The following TDRD15 variants were observed in gnomAD, a reference collection of about 807,000 sequenced individuals.
TDRD15 encodes the protein tudor domain containing 15.
For missense variants in TDRD15, 1,416 were observed against 904.7 expected (o/e 1.57, Z -7.25); for synonymous variants, 503 against 314.5 (o/e 1.60, Z -6.34).
intron 2 of TDRD15, among the ~76,000 whole-genome samples, chr2:21,129,019 C>A (rs530952015): frequency 6.6e-6 from 1 of 152,154 alleles, no homozygotes; most frequent in Non-Finnish European, 1.5e-5. Context: ...TCACTGCAAT[C>A]TCTGTTCCCC....
rs1175006527 is a variant in TDRD15 at position 21,139,995 on chromosome 2, T to C, written c.2528T>C (p.Ile843Thr). 2.7e-5 allele frequency: 19 copies of C among 715,734 alleles called. No individual in the cohort carries two copies. The highest frequency in any genetic ancestry group is 5.4e-5 in the East Asian group (2 of 37,274). 44.3% of individuals were successfully genotyped at this position (715,734 alleles called of 1,614,324 possible). A position where few individuals can be genotyped will look rare whatever the true frequency, so the allele number is the denominator to read the frequency against. The change falls in exon 4 of 4, where the codon ATT becomes ACT. Residue 843 changes from isoleucine to threonine, a missense_variant. Coordinates refer to ENST00000405799, the MANE Select transcript of TDRD15 (RefSeq NM_001306137.2). Reference sequence around the variant, plus strand: ...TATGGTTACCAAAAAAGGGTTTTAATTGAAGATCTTTGTGCAATTAACCCA... The same window carrying C: ...TATGGTTACCAAAAAAGGGTTTTAACTGAAGATCTTTGTGCAATTAACCCA... ...VDYGYQKRVL[I>T]EDLCAINPRF...
chr2:21,145,028 G>T (rs1321007715), downstream of TDRD15, among the ~76,000 whole-genome samples: 1 of 151,852 alleles, frequency 6.6e-6, no homozygotes, highest in East Asian at 1.9e-4. Context: ...CTTCCAAATG[G>T]ACCAGTGAGA....
rs191515050 is a variant in TDRD15 at position 21,140,529 on chromosome 2, A to G, written c.3062A>G (p.Lys1021Arg). 3.7e-4 allele frequency: 258 copies of G among 697,604 alleles called. 1 individual carries two copies. The East Asian group carries it at 5.8e-3, about 16-fold the overall frequency. 43.2% of individuals were successfully genotyped at this position (697,604 alleles called of 1,614,324 possible). ...AATAAAATGAGAGTGTGCATATCTAAGTATGTAGAGGATGGTCTCTCATAC... is the reference window on the plus strand; with the variant it reads ...AATAAAATGAGAGTGTGCATATCTAGGTATGTAGAGGATGGTCTCTCATAC... The part of the protein sequence containing the change: ...DSNKMRVCIS[K>R]YVEDGLSYRA... The change falls in exon 4 of 4, where the codon AAG (lysine) becomes AGG (arginine). Residue 1021 changes from lysine to arginine, a missense_variant. By Grantham distance (26) the Lys-to-Arg change is conservative. Transcript: ENST00000405799.
At chr2:21,145,650 C>T (rs915323302), downstream of TDRD15, among the ~76,000 whole-genome samples, 4 of 151,940 alleles carry the variant, frequency 2.6e-5, no homozygotes, top group African/African-American at 7.2e-5. Flanking sequence ...TATGGTTTCA[C>T]GGATTAGTAA....
chr2:21,142,193 G>T lies in TDRD15; in HGVS notation c.4726G>T (p.Glu1576Ter). The T allele has an allele frequency of 1.5e-6, 1 of 684,086 alleles. No individual in the cohort carries two copies. The highest frequency in any genetic ancestry group is 1.7e-5 in the South Asian group (1 of 60,408). The allele number at this position is 684,086 out of a possible 1,614,324, so 42.4% of individuals were successfully genotyped here. The change falls in exon 4 of 4, where the codon GAA becomes TAA. Residue 1576 changes from glutamate to a stop codon, truncating the protein, a stop_gained. Transcript: ENST00000405799. LOFTEE classifies it low-confidence loss of function (END_TRUNC). ...KSPFLSMESI[E>*]KGLECLAKSK... is the part of the protein sequence containing the mutation. Reference sequence around the variant, plus strand: ...CCCTTTTTTATCAATGGAAAGTATTGAAAAAGGTTTAGAATGCTTGGCAAA... The same window carrying T: ...CCCTTTTTTATCAATGGAAAGTATTTAAAAAGGTTTAGAATGCTTGGCAAA...
rs755160474 is a variant in TDRD15, at chr2:21,141,836, T to C, written c.4369T>C (p.Cys1457Arg). Residue 1457 changes from cysteine (C) to arginine (R), a missense_variant, in exon 4 of 4, where the codon TGT becomes CGT. Coordinates refer to ENST00000405799, the MANE Select transcript of TDRD15 (RefSeq NM_001306137.2). The stretch of plus-strand genomic sequence containing the variant: ...TCAGAAATGGGAAGTAAATATGATT[T>C]GTGATGAAAAATGTGTCATTAATGA... ...HDQKWEVNMI[C>R]DEKCVINELL... is the part of the protein sequence containing the mutation. 5.6e-6 allele frequency: 4 copies of C among 714,856 alleles called. No individual in the cohort carries two copies. The highest frequency in any genetic ancestry group is 2.6e-6 in the Non-Finnish European group (1 of 383,548). 44.3% of individuals were successfully genotyped at this position (714,856 alleles called of 1,614,324 possible).
chr2:21,137,128 A>T (rs1298358713), intron 3 of TDRD15, among the ~76,000 whole-genome samples: 6 of 151,994 alleles, frequency 3.9e-5, no homozygotes, highest in Admixed American at 3.9e-4. Flanking sequence ...AGCTCCTTTC[A>T]TTACACCACA....
chr2:21,145,274 C>G (rs1204777814), downstream of TDRD15, among the ~76,000 whole-genome samples: 2 of 152,028 alleles, frequency 1.3e-5, no homozygotes, highest in Non-Finnish European at 2.9e-5. Flanking sequence ...TCAGATTTCT[C>G]TGACTGATTT....
chr2:21,134,469 A>G (rs967401915), intron 2 of TDRD15, among the ~76,000 whole-genome samples: 1 of 151,932 alleles, frequency 6.6e-6, no homozygotes, highest in Non-Finnish European at 1.5e-5. Context: ...AAGCAGGTAG[A>G]CTGTTCCATA....
chr2:21,123,950 G>C (rs1210908676), upstream of TDRD15: 1 of 152,436 alleles, frequency 6.6e-6, no homozygotes, highest in African/African-American at 2.4e-5. Flanking sequence ...GGATTACGAG[G>C]GGGTGGGAAC....
chr2:21,125,390 T>C (rs1055658483), intron 1 of TDRD15, among the ~76,000 whole-genome samples: 9 of 148,830 alleles, frequency 6.0e-5, no homozygotes, highest in Admixed American at 6.0e-4. Context: ...GTGCGAGATA[T>C]AATGCTAGGG....
In TDRD15 at chr2:21,127,577, T is replaced by G. The variant is rs998774696; in HGVS notation, c.-200-24T>G. On this transcript the variant is annotated intron_variant, in intron 1 of 3. Transcript: ENST00000405799. ...GCTGGCACCTTGGTTGAAAATCATTTTATCTTTTATTGACTTTATCTAGGT... is the reference window on the plus strand; with the variant it reads ...GCTGGCACCTTGGTTGAAAATCATTGTATCTTTTATTGACTTTATCTAGGT... 7.9e-5 allele frequency: 12 copies of G among 152,296 alleles called. No individual in the cohort carries two copies. The East Asian group carries it at 1.9e-3, about 24-fold the overall frequency. 9.4% of individuals were successfully genotyped at this position (152,296 alleles called of 1,614,324 possible).
rs1286900870 is a variant in TDRD15 at position 21,139,730 on chromosome 2, G to A, written c.2263G>A (p.Gly755Arg). 1 of 715,376 alleles carries A rather than the reference G, an allele frequency of 1.4e-6. No individual in the cohort carries two copies. Among genetic ancestry groups the A allele is most frequent in the African/African-American group, 1.8e-5 (1 of 57,126 alleles). 44.3% of individuals were successfully genotyped at this position (715,376 alleles called of 1,614,324 possible). The change falls in exon 4 of 4, where the codon GGA becomes AGA. Residue 755 changes from glycine to arginine, a missense_variant. By Grantham distance (125) the Gly-to-Arg change is moderately radical (BLOSUM62 -2). Coordinates refer to ENST00000405799, the MANE Select transcript of TDRD15 (RefSeq NM_001306137.2). ...TTATAAAGAATATATTTTTAGACCA[G>A]GAACAGTTCTTGAAGTTAAATGTTC... ...WPYKEYIFRP[G>R]TVLEVKCSCY...
rs1486620461 is a variant in TDRD15 at position 21,138,326 on chromosome 2, C to T, written c.859C>T (p.Pro287Ser). Residue 287 changes from proline to serine, a missense_variant, in exon 4 of 4, where the codon CCC (proline) becomes TCC (serine). Physicochemically the swap from Pro to Ser is moderately conservative, Grantham distance 74 (BLOSUM62 -1). Transcript: ENST00000405799. ...TGATACCGTCTGTCAAGAAACTAGT[C>T]CCACGTGTGATAATTTTGGACTGCT... ...HYDTVCQETS[P>S]TCDNFGLLCV... 2 of 716,420 alleles carry T rather than the reference C, an allele frequency of 2.8e-6. No homozygotes were observed. The highest frequency in any genetic ancestry group is 5.2e-6 in the Non-Finnish European group (2 of 384,482). The allele number at this position is 716,420 out of a possible 1,614,324, so 44.4% of individuals were successfully genotyped here.
At chr2:21,125,492 CGTGT>C (rs142756145) in intron 1 of TDRD15, among the ~76,000 whole-genome samples, 31 of 148,116 alleles carry the variant, frequency 2.1e-4, no homozygotes, top group Middle Eastern at 7.0e-3. Context: ...TGAGTTGTTG[CGTGT>C]GTGTGTGTGC....
intron 3 of TDRD15, among the ~76,000 whole-genome samples, chr2:21,135,761 G>A (rs1419511074): frequency 6.6e-6 from 1 of 151,952 alleles, no homozygotes; most frequent in Non-Finnish European, 1.5e-5. Context: ...ATTTCTGGAT[G>A]TTACTGGCAT....
chr2:21,125,272 G>A (rs542538352), intron 1 of TDRD15, among the ~76,000 whole-genome samples: 13 of 132,378 alleles, frequency 9.8e-5, no homozygotes, highest in Middle Eastern at 4.0e-3. Flanking sequence ...TAGTTCTAGC[G>A]TCTGTGTGTG....
At chr2:21,127,139 C>A (rs528062176) in intron 1 of TDRD15, among the ~76,000 whole-genome samples, 9 of 152,016 alleles carry the variant, frequency 5.9e-5, no homozygotes, top group Non-Finnish European at 1.0e-4. Context: ...GCTGCTAAAT[C>A]TTTTACCTAT....
chr2:21,132,172 A>G (rs762179247), intron 2 of TDRD15, among the ~76,000 whole-genome samples: 5 of 152,086 alleles, frequency 3.3e-5, no homozygotes, highest in Non-Finnish European at 7.4e-5. Context: ...GTAATAAGTG[A>G]TGGGAGTGTA....
Sources: gnomAD v4.1 joint callset for allele counts (sites outside exome capture counted in the v4.1 genomes callset) on GRCh38, gnomAD v4.1.1 for gene constraint, MANE v1.5 for transcripts, NCBI Gene and HGNC (gene_info 2026-07-23, HGNC 2026-07-21) for gene names.